The following PTBP2 variants were observed in gnomAD, a reference collection of about 807,000 sequenced individuals.
PTBP2 encodes the protein polypyrimidine tract binding protein 2.
In PTBP2, 13 loss-of-function variants were observed where a neutral mutation model predicts 61.4. The observed-to-expected ratio is 0.21, with a 90% confidence interval of 0.14 to 0.34. The LOEUF is 0.34. PTBP2 is among the 10% of genes least tolerant of loss of function. The probability of loss-of-function intolerance (pLI) is 1.00; values close to 1 mark genes in which losing one functional copy is unlikely to be tolerated. For synonymous variants in PTBP2, 215 were observed against 218.5 expected, an observed-to-expected ratio of 0.98 and a Z score of 0.14; for missense variants, 405 against 642.6, an observed-to-expected ratio of 0.63 and a Z score of 4.00.
At chr1:96,743,738 C>A (rs528855949) in intron 2 of PTBP2, among the ~76,000 whole-genome samples, 1 of 152,042 alleles carries the variant, frequency 6.6e-6, no homozygotes, top group Non-Finnish European at 1.5e-5. Flanking sequence ...TTAGTATCGT[C>A]GCAACAGCAA....
chr1:96,817,233 C>T (rs1399721136), downstream of PTBP2: 1 of 152,094 alleles, frequency 6.6e-6, no homozygotes, highest in African/African-American at 2.4e-5. Context: ...ATGAGCAGCT[C>T]TGAACTTCAA....
intron 2 of PTBP2, among the ~76,000 whole-genome samples, chr1:96,744,496 C>T (rs1246137269): frequency 6.6e-6 from 1 of 151,938 alleles, no homozygotes; most frequent in Admixed American, 6.6e-5. Context: ...AACAGAAGAC[C>T]AGAATACTAG....
chr1:96,758,385 A>AC (rs1183327296), intron 3 of PTBP2, among the ~76,000 whole-genome samples: 1 of 152,068 alleles, frequency 6.6e-6, no homozygotes, highest in East Asian at 1.9e-4. Flanking sequence ...AGGAGGGAAT[A>AC]CTACCCTGTT....
chr1:96,751,795 T>G (rs922423875), intron 3 of PTBP2, among the ~76,000 whole-genome samples: 2 of 152,122 alleles, frequency 1.3e-5, no homozygotes, highest in African/African-American at 4.8e-5. Context: ...GTATTTTTAT[T>G]TTGTTTTTAT....
At chr1:96,773,398 G>A (rs1388168762) in intron 5 of PTBP2, among the ~76,000 whole-genome samples, 2 of 151,926 alleles carry the variant, frequency 1.3e-5, no homozygotes, top group Non-Finnish European at 1.5e-5. Context: ...AGTTGGTTAT[G>A]CCTTAACAAC....
At chr1:96,817,045 G>A (rs1662513958), downstream of PTBP2, 1 of 152,098 alleles carries the variant, frequency 6.6e-6, no homozygotes, top group African/African-American at 2.4e-5. Flanking sequence ...CAAGCCAGAT[G>A]AAAAGAAACC....
chr1:96,743,863 G>T (rs1199872575), intron 2 of PTBP2, among the ~76,000 whole-genome samples: 9 of 152,112 alleles, frequency 5.9e-5, no homozygotes, highest in Admixed American at 5.2e-4. Context: ...CTTGTATGGT[G>T]TGTGTGTTGT....
At chr1:96,729,931 T>C (rs1001226838) in intron 2 of PTBP2, among the ~76,000 whole-genome samples, 1 of 152,074 alleles carries the variant, frequency 6.6e-6, no homozygotes, top group Non-Finnish European at 1.5e-5. Flanking sequence ...AGAGACGGGG[T>C]TTCACTATGT....
intron 5 of PTBP2, among the ~76,000 whole-genome samples, chr1:96,775,603 T>C (rs964028821): frequency 7.9e-5 from 12 of 152,264 alleles, no homozygotes; most frequent in African/African-American, 2.9e-4. Flanking sequence ...GTTGATAATA[T>C]ACTGTTTTTT....
At chr1:96,818,277 A>G (rs1662555400), downstream of PTBP2, 1 of 152,082 alleles carries the variant, frequency 6.6e-6, no homozygotes, top group Non-Finnish European at 1.5e-5. Context: ...ACATTTTTAG[A>G]TATTTCAAAC....
At chr1:96,750,541 G>A (rs1015318526) in intron 2 of PTBP2, among the ~76,000 whole-genome samples, 2 of 151,952 alleles carry the variant, frequency 1.3e-5, no homozygotes, top group Non-Finnish European at 2.9e-5. Flanking sequence ...TTAGCGTAAA[G>A]CTTATGGTTA....
At chr1:96,780,570 G>C (rs938043762) in intron 7 of PTBP2, among the ~76,000 whole-genome samples, 1 of 152,000 alleles carries the variant, frequency 6.6e-6, no homozygotes, top group African/African-American at 2.4e-5. Flanking sequence ...TTGGCACTGT[G>C]CACCATTGTC....
At position 96,772,552 on chromosome 1, in the gene PTBP2, A is replaced by G. The variant is rs1657496281; in HGVS notation, c.432+1701A>G. On this transcript the variant is annotated intron_variant, in intron 5 of 13. Coordinates refer to ENST00000674951, the MANE Select transcript of PTBP2 (RefSeq NM_021190.4). ...CTGTCTGAAACTTTGTACTTTGACCATCATCACCCCTTCCCTGTTCACTCC... is the reference window on the plus strand; with the variant it reads ...CTGTCTGAAACTTTGTACTTTGACCGTCATCACCCCTTCCCTGTTCACTCC... Among the ~76,000 whole-genome samples the G allele has an allele frequency of 1.3e-5, 2 of 152,100 alleles. 1 individual carries two copies. The highest frequency in any genetic ancestry group is 4.1e-4 in the South Asian group (2 of 4,830).
rs1257294576 is a variant in PTBP2, at chr1:96,790,269, C to CT, written c.904+5027dup. Among the ~76,000 whole-genome samples the CT allele has an allele frequency of 2.5e-3, 355 of 141,552 alleles. 1 individual carries two copies. The highest frequency in any genetic ancestry group is 2.9e-3 in the Non-Finnish European group (188 of 64,640). The allele number at this position is 141,552 out of a possible 152,430, so 92.9% of individuals were successfully genotyped here. On this transcript the variant is annotated intron_variant, in intron 8 of 13. Coordinates refer to ENST00000674951, the MANE Select transcript of PTBP2 (RefSeq NM_021190.4). ...CCAAAGGCTTGATAAGATTTAGAGC[C>CT]TTTTTTTTTTTTGAAGTGTTTCTTG...
At chr1:96,723,249 A>C (rs566687543) in intron 1 of PTBP2, among the ~76,000 whole-genome samples, 8 of 152,338 alleles carry the variant, frequency 5.3e-5, no homozygotes, top group African/African-American at 1.7e-4. Context: ...TAAAGAGTTT[A>C]AGCGTTAAAT....
chr1:96,763,286 C>A lies in PTBP2; in HGVS notation c.116-6417C>A, dbSNP rs1341133935. Among the ~76,000 whole-genome samples the A allele has an allele frequency of 2.0e-5, 3 of 152,066 alleles. No individual in the cohort carries two copies. The East Asian group carries it at 5.8e-4, about 30-fold the overall frequency. On this transcript the variant is annotated intron_variant, in intron 3 of 13. Coordinates refer to ENST00000674951, the MANE Select transcript of PTBP2 (RefSeq NM_021190.4). ...ACGCCACTGCACTCCAGCCTGGGCACCATTGAGCACTGAGTGAACCAGACT... is the reference window on the plus strand; with the variant it reads ...ACGCCACTGCACTCCAGCCTGGGCAACATTGAGCACTGAGTGAACCAGACT...
intron 3 of PTBP2, among the ~76,000 whole-genome samples, chr1:96,766,305 T>C (rs1656695242): frequency 6.6e-6 from 1 of 152,204 alleles, no homozygotes; most frequent in Admixed American, 6.5e-5. Context: ...TCATATACAA[T>C]GAATAAAATT....
rs1232683663 is a variant in PTBP2 at position 96,739,618 on chromosome 1, G to GGTTTTTTTTTTTTTTTTTTT, written c.40-11807_40-11806insGTTTTTTTTTTTTTTTTTTT. ...GCTACAAAATCTGAAACTGGTGTGTGTTTTTTTTTTTTTTTTTTTTTTTTT... is the reference window on the plus strand; with the variant it reads ...GCTACAAAATCTGAAACTGGTGTGTGGTTTTTTTTTTTTTTTTTTTTTTTTTTTTTTTTTTTTTTTTTTTT... On this transcript the variant is annotated intron_variant, in intron 2 of 13. Coordinates refer to ENST00000674951, the MANE Select transcript of PTBP2 (RefSeq NM_021190.4). 9.5e-5 allele frequency among the ~76,000 whole-genome samples: 8 copies of GGTTTTTTTTTTTTTTTTTTT among 83,802 alleles called. 2 individuals carry two copies. Among genetic ancestry groups the GGTTTTTTTTTTTTTTTTTTT allele is most frequent in the African/African-American group, 1.1e-4 (2 of 17,872 alleles). 55.0% of individuals were successfully genotyped at this position (83,802 alleles called of 152,430 possible).
chr1:96,738,199 T>G (rs1652491425), intron 2 of PTBP2, among the ~76,000 whole-genome samples: 1 of 151,880 alleles, frequency 6.6e-6, no homozygotes, highest in South Asian at 2.1e-4. Flanking sequence ...TTCCAGTTCT[T>G]TGTCTTAATA....
Sources: gnomAD v4.1 joint callset for allele counts (sites outside exome capture counted in the v4.1 genomes callset) on GRCh38, gnomAD v4.1.1 for gene constraint, MANE v1.5 for transcripts, NCBI Gene and HGNC (gene_info 2026-07-23, HGNC 2026-07-21) for gene names.